The following CPQ variants were observed in gnomAD, a reference collection of about 807,000 sequenced individuals.
CPQ encodes carboxypeptidase Q.
In CPQ, 37 loss-of-function variants were observed where a neutral mutation model predicts 45.7. That is an observed-to-expected ratio of 0.81 (90% CI 0.62 to 1.07). The LOEUF (loss-of-function observed/expected upper bound fraction) is 1.07, where lower values mean the gene tolerates loss of function less well. CPQ is among the 50% of genes least tolerant of loss of function. The pLI, the probability that CPQ is intolerant of heterozygous loss-of-function variation, is 0.00. For missense variants in CPQ, 537 were observed against 572.9 expected (o/e 0.94, Z 0.64); for synonymous variants, 186 against 205.8 (o/e 0.90, Z 0.82).
chr8:96,737,972 C>T (rs1358198973), intron 1 of CPQ, among the ~76,000 whole-genome samples: 1 of 152,002 alleles, frequency 6.6e-6, no homozygotes, highest in African/African-American at 2.4e-5. Flanking sequence ...TTTTATTCTT[C>T]TATAGCCCAT....
chr8:96,792,424 C>T (rs887737615), intron 2 of CPQ, among the ~76,000 whole-genome samples: 3 of 152,148 alleles, frequency 2.0e-5, no homozygotes, highest in Admixed American at 6.5e-5. Context: ...GGTCTCTGAG[C>T]CCAACACAGC....
At chr8:96,698,643 C>G (rs1235118710) in intron 1 of CPQ, among the ~76,000 whole-genome samples, 1 of 151,870 alleles carries the variant, frequency 6.6e-6, no homozygotes, top group Non-Finnish European at 1.5e-5. Context: ...TCAAACAGCT[C>G]TATAGGAAAA....
At chr8:97,025,235 C>A (rs1586500956) in intron 5 of CPQ, among the ~76,000 whole-genome samples, 1 of 152,064 alleles carries the variant, frequency 6.6e-6, no homozygotes, top group Admixed American at 6.6e-5. Context: ...CCAAAGAGAT[C>A]TTTTTCATCA....
chr8:96,934,098 C>G (rs1813013082), intron 4 of CPQ, among the ~76,000 whole-genome samples: 1 of 152,130 alleles, frequency 6.6e-6, no homozygotes, highest in South Asian at 2.1e-4. Context: ...GGGAAGAGCT[C>G]TGCATGTGGA....
chr8:96,954,671 G>T (rs1813324389), intron 4 of CPQ, among the ~76,000 whole-genome samples: 1 of 151,976 alleles, frequency 6.6e-6, no homozygotes. Context: ...ATGTATACCT[G>T]TGCCATGTTG....
At chr8:96,805,980 G>A (rs1312516888) in intron 2 of CPQ, among the ~76,000 whole-genome samples, 1 of 152,140 alleles carries the variant, frequency 6.6e-6, no homozygotes, top group Non-Finnish European at 1.5e-5. Flanking sequence ...TCTGGCAATG[G>A]ATCAGCCATA....
intron 4 of CPQ, among the ~76,000 whole-genome samples, chr8:96,911,481 A>C (rs1315041774): frequency 6.6e-6 from 1 of 152,090 alleles, no homozygotes; most frequent in Non-Finnish European, 1.5e-5. Flanking sequence ...TCCCCTTTGC[A>C]CTTTCCCAGC....
At chr8:97,027,372 T>C (rs551583520) in intron 5 of CPQ, among the ~76,000 whole-genome samples, 52 of 152,312 alleles carry the variant, frequency 3.4e-4, no homozygotes, top group Non-Finnish European at 6.5e-4. Flanking sequence ...TTCCTTCTAC[T>C]CTGTGAGGTG....
chr8:96,741,310 G>C (rs538357132), intron 1 of CPQ, among the ~76,000 whole-genome samples: 2 of 152,014 alleles, frequency 1.3e-5, no homozygotes. Context: ...TCTGTGGGAT[G>C]GGTGGTGATA....
intron 6 of CPQ, among the ~76,000 whole-genome samples, chr8:97,052,044 T>C (rs1810373817): frequency 6.6e-6 from 1 of 152,330 alleles, no homozygotes; most frequent in South Asian, 2.1e-4. Context: ...TGAGGATTTC[T>C]AGTGTTCAGT....
intron 6 of CPQ, among the ~76,000 whole-genome samples, chr8:97,046,682 A>G (rs947414065): frequency 2.3e-4 from 35 of 152,332 alleles, no homozygotes; most frequent in African/African-American, 8.4e-4. Flanking sequence ...AGGCAGTGCC[A>G]TATTTGTAAA....
In CPQ at chr8:96,984,323, A is replaced by G. The variant is rs180953161; in HGVS notation, c.961+18277A>G. Among the ~76,000 whole-genome samples the G allele has an allele frequency of 8.7e-4, 133 of 152,166 alleles. 1 individual carries two copies. The highest frequency in any genetic ancestry group is 1.4e-3 in the Admixed American group (22 of 15,264). ...TCTGAATGTGTCTCCCAAGTTTCCT[A>G]TGTTGGAAATGTTGGAAATCCTCAA... On this transcript the variant is annotated intron_variant, in intron 5 of 7. Coordinates refer to ENST00000220763, the MANE Select transcript of CPQ (RefSeq NM_016134.4).
intron 1 of CPQ, among the ~76,000 whole-genome samples, chr8:96,735,415 T>C (rs1809969170): frequency 6.6e-6 from 1 of 152,220 alleles, no homozygotes; most frequent in African/African-American, 2.4e-5. Flanking sequence ...CCAGCTTCTG[T>C]TTCATTGTGA....
chr8:96,817,414 A>G (rs573829125), intron 2 of CPQ, among the ~76,000 whole-genome samples: 72 of 152,168 alleles, frequency 4.7e-4, no homozygotes, highest in African/African-American at 1.7e-3. Flanking sequence ...ATATTGCAAT[A>G]ACTTTTCTTT....
chr8:97,065,263 G>A (rs553435517), intron 6 of CPQ, among the ~76,000 whole-genome samples: 1 of 152,294 alleles, frequency 6.6e-6, no homozygotes, highest in African/African-American at 2.4e-5. Flanking sequence ...AACCTGTCAA[G>A]AGCCTATTAT....
rs72664520 is a variant in CPQ, at chr8:96,908,777, A to C, written c.849+28772A>C. 1.5e-3 allele frequency among the ~76,000 whole-genome samples: 229 copies of C among 150,282 alleles called. 2 individuals are homozygous for C. The East Asian group carries it at 0.031, about 20-fold the overall frequency. The stretch of plus-strand genomic sequence containing the variant: ...CACACACACACACACACACACACAC[A>C]CCATATATTCTGGGGAAGAGGTGTT... On this transcript the variant is annotated intron_variant, in intron 4 of 7. Coordinates refer to ENST00000220763, the MANE Select transcript of CPQ (RefSeq NM_016134.4).
intron 1 of CPQ, among the ~76,000 whole-genome samples, chr8:96,678,071 A>G (rs1331205896): frequency 1.3e-5 from 2 of 152,104 alleles, no homozygotes; most frequent in African/African-American, 4.8e-5. Flanking sequence ...TTTAGTAACT[A>G]TAGCCTTGTA....
intron 4 of CPQ, among the ~76,000 whole-genome samples, chr8:96,921,154 G>A (rs1220591253): frequency 6.6e-6 from 1 of 152,156 alleles, no homozygotes; most frequent in African/African-American, 2.4e-5. Flanking sequence ...GGGGCAGGTG[G>A]AAATTGAACC....
intron 3 of CPQ, among the ~76,000 whole-genome samples, chr8:96,849,697 C>G (rs180803908): frequency 2.0e-5 from 3 of 152,132 alleles, no homozygotes; most frequent in African/African-American, 7.2e-5. Context: ...GTGAGACATC[C>G]CCAGATGTTA....
Sources: gnomAD v4.1 joint callset for allele counts (sites outside exome capture counted in the v4.1 genomes callset) on GRCh38, gnomAD v4.1.1 for gene constraint, MANE v1.5 for transcripts, NCBI Gene and HGNC (gene_info 2026-07-23, HGNC 2026-07-21) for gene names.